Variants in NCAM2 observed in about 807,000 individuals in gnomAD.
NCAM2 encodes N-CAM-2.
A neutral mutation model predicts 98.1 loss-of-function variants in NCAM2; 30 were observed. The observed-to-expected ratio is 0.31, with a 90% CI of 0.23 to 0.41. The LOEUF (loss-of-function observed/expected upper bound fraction) is 0.41. NCAM2 is among the 10% of genes least tolerant of loss of function. NCAM2 has a pLI of 1.00. For missense variants in NCAM2, 867 were observed against 1,005.8 expected (o/e 0.86, Z 1.87); for synonymous variants, 368 against 342.4 (o/e 1.07, Z -0.83).
At position 21,072,935 on chromosome 21, in the gene NCAM2, A is replaced by G. The variant is rs181694716; in HGVS notation, c.55+74317A>G. Among the ~76,000 whole-genome samples the G allele has an allele frequency of 4.1e-4, 62 of 152,182 alleles. No homozygotes were observed. The East Asian group carries it at 9.1e-3, about 22-fold the overall frequency. On this transcript the variant is annotated intron_variant, in intron 1 of 17. Transcript: ENST00000400546. ...ACCGTCCATCTCCAGAACTGTTTCA[A>G]CTTCTCAAACTGAAACTTCATACCC...
intron 1 of NCAM2, among the ~76,000 whole-genome samples, chr21:21,102,811 CAGAA>C (rs1357063879): frequency 2.0e-5 from 3 of 151,910 alleles, no homozygotes; most frequent in Non-Finnish European, 4.4e-5. Flanking sequence ...AGAAAGAAAA[CAGAA>C]AGACAGGCAC....
At chr21:21,336,942 C>G (rs764074125) in intron 7 of NCAM2, among the ~76,000 whole-genome samples, 1 of 152,076 alleles carries the variant, frequency 6.6e-6, no homozygotes, top group Non-Finnish European at 1.5e-5. Flanking sequence ...TTCTAATGAT[C>G]AGAAGTAGGC....
At chr21:21,238,361 C>A (rs2070929530) in intron 1 of NCAM2, among the ~76,000 whole-genome samples, 1 of 152,066 alleles carries the variant, frequency 6.6e-6, no homozygotes. Flanking sequence ...ATAATACATA[C>A]ATTTATTTGC....
chr21:21,142,524 G>A (rs917159083), intron 1 of NCAM2, among the ~76,000 whole-genome samples: 1 of 148,334 alleles, frequency 6.7e-6, no homozygotes, highest in African/African-American at 2.5e-5. Flanking sequence ...GACTACAGGC[G>A]TCCGCCACCA....
At chr21:21,017,550 G>T (rs1229674954) in intron 1 of NCAM2, among the ~76,000 whole-genome samples, 1 of 151,782 alleles carries the variant, frequency 6.6e-6, no homozygotes. Context: ...TCGAAGCACG[G>T]GCGATTATGC....
At chr21:21,401,104 A>G (rs370114843) in intron 9 of NCAM2, among the ~76,000 whole-genome samples, 1 of 152,214 alleles carries the variant, frequency 6.6e-6, no homozygotes, top group Non-Finnish European at 1.5e-5. Context: ...TGCAAGCTCA[A>G]TGCTATTTCC....
At chr21:21,294,394 G>A (rs2073402125) in intron 5 of NCAM2, among the ~76,000 whole-genome samples, 1 of 151,722 alleles carries the variant, frequency 6.6e-6, no homozygotes, top group Non-Finnish European at 1.5e-5. Context: ...GTTTTTATGT[G>A]CCATTTCTGA....
chr21:21,224,529 AAT>A (rs1348552140), intron 1 of NCAM2, among the ~76,000 whole-genome samples: 1 of 152,168 alleles, frequency 6.6e-6, no homozygotes, highest in East Asian at 1.9e-4. Context: ...ATATATGTTA[AAT>A]ATGTTTTTAG....
At position 21,093,096 on chromosome 21, in the gene NCAM2, C is replaced by T. The variant is rs7282888; in HGVS notation, c.55+94478C>T. On this transcript the variant is annotated intron_variant, in intron 1 of 17. Transcript: ENST00000400546. ...ATCAAGAAGACAATTTGTTATGTCCCGGTAAATTATTTAATAAGAATAATA... is the reference window on the plus strand; with the variant it reads ...ATCAAGAAGACAATTTGTTATGTCCTGGTAAATTATTTAATAAGAATAATA... Among the ~76,000 whole-genome samples the T allele has an allele frequency of 2.4e-3, 362 of 151,962 alleles. 4 individuals are homozygous for T. The highest frequency in any genetic ancestry group is 8.5e-3 in the African/African-American group (352 of 41,466).
intron 6 of NCAM2, among the ~76,000 whole-genome samples, chr21:21,327,342 A>G (rs186635671): frequency 5.6e-4 from 83 of 147,366 alleles, no homozygotes; most frequent in African/African-American, 1.2e-3. Flanking sequence ...TTCTTTTCCC[A>G]TATTTCTGGA....
intron 1 of NCAM2, among the ~76,000 whole-genome samples, chr21:21,060,546 AT>A (rs1276113916): frequency 2.0e-5 from 3 of 152,170 alleles, no homozygotes; most frequent in Non-Finnish European, 2.9e-5. Flanking sequence ...TTTTCAAGAC[AT>A]ATGGGAACAT....
chr21:21,246,805 A>T (rs1393918760), intron 1 of NCAM2, among the ~76,000 whole-genome samples: 2 of 152,174 alleles, frequency 1.3e-5, no homozygotes, highest in East Asian at 1.9e-4. Flanking sequence ...AAAACTGTCA[A>T]TTATATTTTT....
chr21:21,073,473 A>G lies in NCAM2; in HGVS notation c.55+74855A>G, dbSNP rs150373869. 3.4e-4 allele frequency among the ~76,000 whole-genome samples: 52 copies of G among 152,344 alleles called. No homozygotes were observed. The East Asian group carries it at 9.8e-3, about 29-fold the overall frequency. Reference sequence around the variant, plus strand: ...CATTTATAAAGGCATATATGACTCTAAAGTTTAAACTTCACTGAAAATACA... The same window carrying G: ...CATTTATAAAGGCATATATGACTCTGAAGTTTAAACTTCACTGAAAATACA... On this transcript the variant is annotated intron_variant, in intron 1 of 17. Coordinates refer to ENST00000400546, the MANE Select transcript of NCAM2 (RefSeq NM_004540.5).
intron 8 of NCAM2, among the ~76,000 whole-genome samples, chr21:21,350,931 CAA>C (rs113203468): frequency 2.5e-4 from 11 of 44,150 alleles, no homozygotes; most frequent in African/African-American, 7.4e-4. Flanking sequence ...AGTAAAAATA[CAA>C]AAAAAAAAAA....
At chr21:21,130,541 A>G (rs556123268) in intron 1 of NCAM2, among the ~76,000 whole-genome samples, 30 of 152,150 alleles carry the variant, frequency 2.0e-4, no homozygotes, top group Non-Finnish European at 3.5e-4. Flanking sequence ...AAAGAAGTAT[A>G]TATAATTACA....
chr21:21,052,317 C>T (rs1302060167), intron 1 of NCAM2, among the ~76,000 whole-genome samples: 2 of 152,056 alleles, frequency 1.3e-5, no homozygotes, highest in Non-Finnish European at 2.9e-5. Context: ...GCGCCCGCCA[C>T]CACGCCTGGC....
chr21:21,005,349 C>T (rs902124531), intron 1 of NCAM2, among the ~76,000 whole-genome samples: 40 of 151,834 alleles, frequency 2.6e-4, no homozygotes, highest in African/African-American at 9.4e-4. Flanking sequence ...TTGGTAGGAA[C>T]GTGCCGCATG....
chr21:21,083,463 C>T (rs1036923229), intron 1 of NCAM2, among the ~76,000 whole-genome samples: 1 of 151,282 alleles, frequency 6.6e-6, no homozygotes, highest in South Asian at 2.1e-4. Flanking sequence ...TCTGGTTGCC[C>T]AGGCTGGAGT....
chr21:21,396,835 G>T (rs2076519576), intron 9 of NCAM2, among the ~76,000 whole-genome samples: 1 of 152,208 alleles, frequency 6.6e-6, no homozygotes, highest in Non-Finnish European at 1.5e-5. Context: ...CACAGCCCTG[G>T]CATGGGGAGC....
Sources: allele counts gnomAD v4.1 joint callset (sites outside exome capture counted in the v4.1 genomes callset), GRCh38; gene constraint gnomAD v4.1.1; transcripts MANE v1.5; gene names NCBI Gene and HGNC (gene_info 2026-07-23, HGNC 2026-07-21).